PPME1: variants seen among roughly 807,000 people sequenced by gnomAD.
PPME1 encodes testicular secretory protein Li 39.
In PPME1, 17 loss-of-function variants were observed where a neutral mutation model predicts 56.9. That is an observed-to-expected ratio of 0.30 (90% CI 0.20 to 0.45). The LOEUF is 0.45. Ranked by LOEUF, PPME1 falls within the 20% of genes least tolerant of loss-of-function variation. The pLI, the probability that PPME1 is intolerant of heterozygous loss-of-function variation, is 1.00. For synonymous variants in PPME1, 122 were observed against 156.2 expected (o/e 0.78, Z 1.63); for missense variants, 357 against 483.2 (o/e 0.74, Z 2.45).
chr11:74,202,422 G>A (rs898817632), intron 1 of PPME1, among the ~76,000 whole-genome samples: 2 of 152,276 alleles, frequency 1.3e-5, no homozygotes, highest in East Asian at 1.9e-4. Context: ...TTTCACTTTT[G>A]AAAGAATATA....
chr11:74,206,497 T>G (rs1858330044), intron 3 of PPME1, among the ~76,000 whole-genome samples: 1 of 152,164 alleles, frequency 6.6e-6, no homozygotes, highest in Non-Finnish European at 1.5e-5. Flanking sequence ...AAGGAACAAT[T>G]AAAGGAACTG....
chr11:74,232,531 T>G (rs1450989051), intron 7 of PPME1, among the ~76,000 whole-genome samples: 1 of 152,234 alleles, frequency 6.6e-6, no homozygotes, highest in Non-Finnish European at 1.5e-5. Flanking sequence ...AAGATCTATC[T>G]TGGGCAGATA....
intron 1 of PPME1, among the ~76,000 whole-genome samples, chr11:74,176,998 T>C (rs529691139): frequency 3.3e-5 from 5 of 152,242 alleles, no homozygotes; most frequent in South Asian, 4.1e-4. Context: ...TCCAAAGTGC[T>C]GGGATTACAG....
rs994901457 is a variant in PPME1 at position 74,251,229 on chromosome 11, T to C, written c.1074+211T>C. On this transcript the variant is annotated intron_variant, in intron 12 of 13. Coordinates refer to ENST00000328257, the MANE Select transcript of PPME1 (RefSeq NM_016147.3). ...ATGTGCTGAGGAGCTACTGACACTC[T>C]GCTATTTCATCCCAGGGCCCTGTGG... The C allele has an allele frequency of 2.4e-5, 34 of 1,403,036 alleles. No individual in the cohort carries two copies. In the African/African-American group the frequency reaches 4.5e-4, roughly 18 times the overall value. 86.9% of individuals were successfully genotyped at this position (1,403,036 alleles called of 1,614,324 possible).
At chr11:74,179,709 A>G (rs1857483277) in intron 1 of PPME1, among the ~76,000 whole-genome samples, 1 of 152,204 alleles carries the variant, frequency 6.6e-6, no homozygotes, top group Non-Finnish European at 1.5e-5. Flanking sequence ...ATGATTCATG[A>G]TGTAGTTTTT....
intron 4 of PPME1, among the ~76,000 whole-genome samples, chr11:74,223,277 A>C (rs935200496): frequency 3.3e-5 from 5 of 151,528 alleles, no homozygotes; most frequent in South Asian, 4.2e-4. Context: ...TGAACTCATC[A>C]TTTTTTATGG....
intron 1 of PPME1, among the ~76,000 whole-genome samples, chr11:74,184,870 A>G (rs1421246086): frequency 1.3e-5 from 2 of 152,180 alleles, no homozygotes; most frequent in Non-Finnish European, 2.9e-5. Flanking sequence ...GGATGTACTC[A>G]AAATGTCTCT....
rs1859765200 is a variant in PPME1, at chr11:74,253,763, G to A, written c.*253G>A. The A allele has an allele frequency of 7.0e-6, 4 of 573,394 alleles. No homozygotes were observed. The highest frequency in any genetic ancestry group is 1.2e-5 in the Non-Finnish European group (4 of 322,996). The allele number at this position is 573,394 out of a possible 1,614,324, so 35.5% of individuals were successfully genotyped here. ...CCTTTCCCTTCCCTGTACTGGGGTA[G>A]CTCCTGCCTGCTCTCCCTGCGTTGC... is the stretch of plus-strand genomic sequence containing the variant. On this transcript the variant is annotated 3_prime_UTR_variant, in exon 14 of 14. Coordinates refer to ENST00000328257, the MANE Select transcript of PPME1 (RefSeq NM_016147.3).
At chr11:74,208,425 G>T (rs1308221522) in intron 3 of PPME1, among the ~76,000 whole-genome samples, 1 of 152,148 alleles carries the variant, frequency 6.6e-6, no homozygotes, top group Non-Finnish European at 1.5e-5. Flanking sequence ...ATACAGTGGA[G>T]AATTAAACAT....
chr11:74,225,121 A>G lies in PPME1; in HGVS notation c.347-84A>G, dbSNP rs535786. 6.4e-6 allele frequency: 6 copies of G among 942,416 alleles called. No individual in the cohort carries two copies. The East Asian group carries it at 1.1e-4, about 17-fold the overall frequency. 58.4% of individuals were successfully genotyped at this position (942,416 alleles called of 1,614,324 possible). On this transcript the variant is annotated intron_variant, in intron 4 of 13. Transcript: ENST00000328257. ...TGTGAAGTCCCTAATCCATTGTCCA[A>G]AGATGATATTTTTAAAAGAGAATAC...
chr11:74,231,100 C>T (rs1859054744), intron 7 of PPME1, 98 bp downstream of exon 7: 1 of 1,036,268 alleles, frequency 9.7e-7, no homozygotes, highest in African/African-American at 1.6e-5. Context: ...CTCTGTCACC[C>T]AGGCTGGAGT....
chr11:74,197,959 T>C (rs1858033833), intron 1 of PPME1, among the ~76,000 whole-genome samples: 1 of 152,218 alleles, frequency 6.6e-6, no homozygotes, highest in African/African-American at 2.4e-5. Flanking sequence ...CCATATTTTC[T>C]TTGTGTCTTT....
intron 1 of PPME1, among the ~76,000 whole-genome samples, chr11:74,199,404 CTA>C (rs1321778098): frequency 6.6e-6 from 1 of 152,202 alleles, no homozygotes; most frequent in African/African-American, 2.4e-5. Flanking sequence ...CCCCATTATC[CTA>C]TGTCAGTTCC....
At chr11:74,199,383 G>A (rs1412338175) in intron 1 of PPME1, among the ~76,000 whole-genome samples, 2 of 152,092 alleles carry the variant, frequency 1.3e-5, no homozygotes, top group Non-Finnish European at 2.9e-5. Context: ...TTTTATAATT[G>A]TCCCAGCATC....
chr11:74,179,950 C>A (rs113226956), intron 1 of PPME1, among the ~76,000 whole-genome samples: 1 of 152,194 alleles, frequency 6.6e-6, no homozygotes, highest in Admixed American at 6.5e-5. Context: ...TTTGTGACAA[C>A]AAGTGATTAA....
At chr11:74,251,231 C>T in intron 12 of PPME1, 1 of 1,401,230 alleles carries the variant, frequency 7.1e-7, no homozygotes, top group Non-Finnish European at 9.3e-7. Context: ...TGACACTCTG[C>T]TATTTCATCC....
chr11:74,228,906 A>C (rs1373878264), intron 5 of PPME1, among the ~76,000 whole-genome samples: 2 of 152,160 alleles, frequency 1.3e-5, no homozygotes, highest in Non-Finnish European at 2.9e-5. Flanking sequence ...GGTGTCAAAG[A>C]AGCTTGGACT....
At chr11:74,194,849 A>G (rs1857938717) in intron 1 of PPME1, among the ~76,000 whole-genome samples, 1 of 152,188 alleles carries the variant, frequency 6.6e-6, no homozygotes, top group African/African-American at 2.4e-5. Flanking sequence ...AAAATAAGAG[A>G]CTACAACAAG....
chr11:74,237,558 A>C (rs144462797), intron 8 of PPME1, among the ~76,000 whole-genome samples: 2,556 of 148,568 alleles, frequency 0.017, 40 homozygotes, highest in African/African-American at 0.031. Context: ...TACAGACGTG[A>C]GCCACCATGC....
Sources: gnomAD v4.1 joint callset for allele counts (sites outside exome capture counted in the v4.1 genomes callset) on GRCh38, gnomAD v4.1.1 for gene constraint, MANE v1.5 for transcripts, NCBI Gene and HGNC (gene_info 2026-07-23, HGNC 2026-07-21) for gene names.